Variants in USP53 observed in about 807,000 individuals in gnomAD.
USP53 encodes ubiquitin specific peptidase 53.
A neutral mutation model predicts 94.9 loss-of-function variants in USP53; 71 were observed. The observed-to-expected ratio is 0.75, with a 90% confidence interval of 0.62 to 0.91. USP53 has a LOEUF of 0.91. Among genes scored for constraint, USP53 ranks in the 40% least tolerant of loss-of-function variants. USP53 has a pLI of 0.00. For missense variants in USP53, 1,173 were observed against 1,281.0 expected, an observed-to-expected ratio of 0.92 and a Z score of 1.29; for synonymous variants, 375 against 422.7, an observed-to-expected ratio of 0.89 and a Z score of 1.39.
At chr4:119,258,706 C>T (rs996860928) in intron 9 of USP53, among the ~76,000 whole-genome samples, 4 of 152,080 alleles carry the variant, frequency 2.6e-5, no homozygotes, top group African/African-American at 9.7e-5. Context: ...GGTGTTTATC[C>T]TTATGAAACC....
In USP53 at chr4:119,293,236, T is replaced by C; in HGVS notation, c.*25T>C. Reference sequence around the variant, plus strand: ...GAGTGAAAAAGGACTAGACCTGTGTTACATAATAATCTTGGTTCAAGCTGC... The same window carrying C: ...GAGTGAAAAAGGACTAGACCTGTGTCACATAATAATCTTGGTTCAAGCTGC... On this transcript the variant is annotated 3_prime_UTR_variant, in exon 19 of 19. Transcript: ENST00000692078. The C allele has an allele frequency of 6.5e-7, 1 of 1,542,622 alleles. No individual in the cohort carries two copies. The highest frequency in any genetic ancestry group is 8.6e-7 in the Non-Finnish European group (1 of 1,156,252).
rs747482642 is a variant in USP53 at position 119,256,330 on chromosome 4, C to A, written c.457C>A (p.Gln153Lys). 1 of 1,613,870 alleles carries A rather than the reference C, an allele frequency of 6.2e-7. No homozygotes were observed. Among genetic ancestry groups the A allele is most frequent in the Non-Finnish European group, 8.5e-7 (1 of 1,179,944 alleles). ...MCTSKSCITH[Q>K]KFAMTLYEQC... ...TACCTCTAAATCTTGTATCACTCAC[C>A]AGAAGTTTGCTATGACTCTGTATGA... is the stretch of plus-strand genomic sequence containing the variant. Residue 153 changes from glutamine (Q) to lysine (K), a missense_variant, in exon 8 of 19, where the codon CAG (glutamine) becomes AAG (lysine). Gln to Lys is a moderately conservative substitution (Grantham distance 53). Coordinates refer to ENST00000692078, the MANE Select transcript of USP53 (RefSeq NM_001371395.1).
At chr4:119,240,328 C>T (rs969546570) in intron 5 of USP53, among the ~76,000 whole-genome samples, 1 of 152,112 alleles carries the variant, frequency 6.6e-6, no homozygotes, top group Non-Finnish European at 1.5e-5. Context: ...ACTCCCTTCA[C>T]CTCCCACTGT....
At chr4:119,258,139 G>T (rs1474746453) in intron 9 of USP53, among the ~76,000 whole-genome samples, 1 of 152,182 alleles carries the variant, frequency 6.6e-6, no homozygotes, top group Admixed American at 6.5e-5. Flanking sequence ...TGTTGATGAA[G>T]AAATAGGTTT....
chr4:119,252,214 C>T lies in USP53; in HGVS notation c.372+3332C>T, dbSNP rs565771873. On this transcript the variant is annotated intron_variant, in intron 7 of 18. Transcript: ENST00000692078. The stretch of plus-strand genomic sequence containing the variant: ...ATTCTCTTTTTTTGTTGTGTCTCTG[C>T]GAGGCTTTGGTATCAGGATGATGCT... 2.6e-4 allele frequency among the ~76,000 whole-genome samples: 39 copies of T among 152,234 alleles called. No homozygotes were observed. The South Asian group carries it at 2.7e-3, about 11-fold the overall frequency.
chr4:119,272,147 G>A (rs1751955333), intron 16 of USP53, 113 bp downstream of exon 16: 1 of 1,125,656 alleles, frequency 8.9e-7, no homozygotes, highest in East Asian at 2.5e-5. Flanking sequence ...AGCATGAGCT[G>A]TTTTAAAGAG....
chr4:119,277,396 G>A, intron 17 of USP53, among the ~76,000 whole-genome samples: 1 of 8,852 alleles, frequency 1.1e-4, no homozygotes, highest in African/African-American at 4.5e-4. Context: ...CAGTTTCCAT[G>A]TAGTTGAGCG....
chr4:119,261,687 A>G, intron 11 of USP53, 28 bp from the exon 12 acceptor site: 1 of 1,533,182 alleles, frequency 6.5e-7, no homozygotes, highest in South Asian at 1.2e-5. Context: ...TGTAGTGTTA[A>G]GTGTACATTA....
At chr4:119,243,007 A>G (rs1747749839) in intron 5 of USP53, among the ~76,000 whole-genome samples, 1 of 152,178 alleles carries the variant, frequency 6.6e-6, no homozygotes, top group Non-Finnish European at 1.5e-5. Flanking sequence ...GTGTGTATAG[A>G]TATGTATTGA....
At chr4:119,273,741 T>TA in intron 17 of USP53, 33 bp downstream of exon 17, 1 of 1,542,792 alleles carries the variant, frequency 6.5e-7, no homozygotes, top group Non-Finnish European at 8.9e-7. Context: ...ATAGTTGCTG[T>TA]AAAAAATGAA....
At chr4:119,286,222 G>A (rs1313422145) in intron 17 of USP53, among the ~76,000 whole-genome samples, 3 of 149,436 alleles carry the variant, frequency 2.0e-5, no homozygotes, top group Admixed American at 1.3e-4. Context: ...TTTAGGGTTT[G>A]TAAATATATA....
intron 9 of USP53, among the ~76,000 whole-genome samples, chr4:119,257,805 G>A (rs554993252): frequency 2.0e-5 from 3 of 152,204 alleles, no homozygotes; most frequent in Admixed American, 6.5e-5. Context: ...GTAGTCAGTC[G>A]TCAGTCATTT....
chr4:119,233,785 C>T (rs988794898), intron 3 of USP53, among the ~76,000 whole-genome samples: 28 of 152,136 alleles, frequency 1.8e-4, no homozygotes, highest in Middle Eastern at 3.4e-3. Context: ...TCATACTCTC[C>T]AAGTGTCTGG....
intron 17 of USP53, among the ~76,000 whole-genome samples, chr4:119,283,006 A>G (rs922403212): frequency 1.3e-5 from 2 of 152,012 alleles, no homozygotes; most frequent in Admixed American, 6.6e-5. Context: ...ACCAAAATCT[A>G]TAATAATGCC....
At chr4:119,272,270 C>A (rs1448662685) in intron 16 of USP53, 1 of 347,552 alleles carries the variant, frequency 2.9e-6, no homozygotes, top group Non-Finnish European at 5.1e-6. Flanking sequence ...TTCCTGATTC[C>A]AAAAATAGCA....
chr4:119,213,165 A>G (rs1423311031), intron 1 of USP53: 1 of 152,864 alleles, frequency 6.5e-6, no homozygotes, highest in Non-Finnish European at 1.5e-5. Context: ...TGGGTCCTGG[A>G]TGTTATTGCT....
intron 3 of USP53, among the ~76,000 whole-genome samples, chr4:119,222,465 A>G (rs1035864116): frequency 8.6e-5 from 13 of 151,984 alleles, no homozygotes; most frequent in African/African-American, 2.9e-4. Context: ...TTCCTTTCCC[A>G]GCCTCTAGTA....
At chr4:119,280,426 C>G (rs1753385375) in intron 17 of USP53, among the ~76,000 whole-genome samples, 1 of 152,132 alleles carries the variant, frequency 6.6e-6, no homozygotes, top group Non-Finnish European at 1.5e-5. Context: ...ATGTCATATT[C>G]TGATAGCTTA....
chr4:119,229,413 C>T (rs984204654), intron 3 of USP53, among the ~76,000 whole-genome samples: 2 of 152,124 alleles, frequency 1.3e-5, no homozygotes, highest in Non-Finnish European at 2.9e-5. Context: ...CCCAGGATTA[C>T]CTTTTGAATC....
Sources: allele counts gnomAD v4.1 joint callset (sites outside exome capture counted in the v4.1 genomes callset), GRCh38; gene constraint gnomAD v4.1.1; transcripts MANE v1.5; gene names NCBI Gene and HGNC (gene_info 2026-07-23, HGNC 2026-07-21).